The following ITGB6 variants were observed in gnomAD, a reference collection of about 807,000 sequenced individuals.
The protein encoded by ITGB6 is integrin beta-6.
Under a neutral mutation model 84.5 loss-of-function variants are expected in ITGB6, and 80 were observed. That is an observed-to-expected ratio of 0.95 (90% confidence interval 0.79 to 1.14). ITGB6 has a LOEUF of 1.14. ITGB6 is among the 50% of genes most tolerant of loss of function. The probability of loss-of-function intolerance (pLI) is 0.00; values close to 1 mark genes in which losing one functional copy is unlikely to be tolerated. For synonymous variants in ITGB6, 383 were observed against 354.9 expected (o/e 1.08, Z -0.89); for missense variants, 1,006 against 968.0 (o/e 1.04, Z -0.52).
At chr2:160,135,011 C>G (rs1034512363) in intron 10 of ITGB6, among the ~76,000 whole-genome samples, 5 of 152,166 alleles carry the variant, frequency 3.3e-5, no homozygotes, top group African/African-American at 7.2e-5. Flanking sequence ...GGGATGCCCT[C>G]TCTCACCACT....
chr2:160,186,476 A>G (rs1026942793), intron 4 of ITGB6, among the ~76,000 whole-genome samples: 3 of 152,202 alleles, frequency 2.0e-5, no homozygotes, highest in Non-Finnish European at 4.4e-5. Context: ...CAGATGCTGG[A>G]GAGGATGTGG....
At chr2:160,124,580 A>G (rs1458409588) in intron 11 of ITGB6, among the ~76,000 whole-genome samples, 2 of 152,234 alleles carry the variant, frequency 1.3e-5, no homozygotes, top group Non-Finnish European at 2.9e-5. Flanking sequence ...TAGACCCTGA[A>G]TTAATCTTGT....
chr2:160,192,523 A>G (rs1686181836), intron 4 of ITGB6, among the ~76,000 whole-genome samples: 1 of 152,176 alleles, frequency 6.6e-6, no homozygotes, highest in African/African-American at 2.4e-5. Flanking sequence ...AGCTTCTAGA[A>G]GAAAATATAG....
At chr2:160,182,620 T>C (rs1685726230) in intron 4 of ITGB6, among the ~76,000 whole-genome samples, 1 of 152,048 alleles carries the variant, frequency 6.6e-6, no homozygotes, top group African/African-American at 2.4e-5. Flanking sequence ...AGGGCAACAT[T>C]CAAATTCAGG....
intron 7 of ITGB6, among the ~76,000 whole-genome samples, chr2:160,160,895 C>A (rs568118166): frequency 6.6e-6 from 1 of 152,200 alleles, no homozygotes; most frequent in African/African-American, 2.4e-5. Context: ...TGCTGTGAGA[C>A]CCAGAGAAAG....
rs13010138 is a variant in ITGB6 at position 160,107,946 on chromosome 2, G to A, written c.2102-101C>T. On this transcript the variant is annotated intron_variant, in intron 13 of 14. Coordinates refer to ENST00000283249, the MANE Select transcript of ITGB6 (RefSeq NM_000888.5). ...TTTCATCTACATTTTCTGCAGCAGAGGATAAATATTGACACCATTTTCGCC... is the reference window on the plus strand; with the variant it reads ...TTTCATCTACATTTTCTGCAGCAGAAGATAAATATTGACACCATTTTCGCC... 0.073 allele frequency: 73,988 copies of A among 1,012,468 alleles called. 3,085 individuals are homozygous for A. The highest frequency in any genetic ancestry group is 0.11 in the Middle Eastern group (475 of 4,362). 62.7% of individuals were successfully genotyped at this position (1,012,468 alleles called of 1,614,324 possible).
rs796591598 is a variant in ITGB6, at chr2:160,108,252, T to C, written c.2102-407A>G. On this transcript the variant is annotated intron_variant, in intron 13 of 14. Coordinates refer to ENST00000283249, the MANE Select transcript of ITGB6 (RefSeq NM_000888.5). ...GTGTGTGTGTGTGTGTGTGTGTGTG[T>C]GTGCTGCATGTCATCAGTTTTTCAT... 3.4e-5 allele frequency among the ~76,000 whole-genome samples: 5 copies of C among 148,186 alleles called. 1 individual carries two copies. Among genetic ancestry groups the C allele is most frequent in the African/African-American group, 7.3e-5 (3 of 40,912 alleles).
chr2:160,160,197 T>C lies in ITGB6; in HGVS notation c.1017+9015A>G, dbSNP rs78750785. Among the ~76,000 whole-genome samples, 337 of 152,348 alleles carry C rather than the reference T, an allele frequency of 2.2e-3. 1 individual carries two copies. The highest frequency in any genetic ancestry group is 7.6e-3 in the African/African-American group (315 of 41,570). ...CATGTGGCCACAATGCCTAACTTAC[T>C]ATTTGACCCTTTGTAGATAGGCGGC... On this transcript the variant is annotated intron_variant, in intron 7 of 14. Transcript: ENST00000283249.
intron 10 of ITGB6, among the ~76,000 whole-genome samples, chr2:160,135,236 T>A (rs75860382): frequency 0.11 from 16,996 of 151,828 alleles, 1,725 homozygotes; most frequent in East Asian, 0.29. Flanking sequence ...TGTACAAAAA[T>A]CACAAGCATT....
chr2:160,150,424 A>G (rs1484856736), intron 7 of ITGB6, among the ~76,000 whole-genome samples: 1 of 152,156 alleles, frequency 6.6e-6, no homozygotes, highest in African/African-American at 2.4e-5. Flanking sequence ...TTTTGTCACC[A>G]CCAGGCCTGC....
At chr2:160,114,202 C>T (rs1211736304) in intron 12 of ITGB6, among the ~76,000 whole-genome samples, 1 of 152,108 alleles carries the variant, frequency 6.6e-6, no homozygotes, top group African/African-American at 2.4e-5. Flanking sequence ...AATTACTTCA[C>T]CACTCCTTTT....
intron 7 of ITGB6, among the ~76,000 whole-genome samples, chr2:160,149,317 C>A (rs1466632127): frequency 6.6e-6 from 1 of 152,188 alleles, no homozygotes; most frequent in Non-Finnish European, 1.5e-5. Context: ...CAAACAGGGT[C>A]TGGAGTGGAA....
At chr2:160,188,158 T>C (rs1157456382) in intron 4 of ITGB6, among the ~76,000 whole-genome samples, 5 of 152,176 alleles carry the variant, frequency 3.3e-5, no homozygotes, top group African/African-American at 1.2e-4. Context: ...CTACGCTCTT[T>C]CCTTTTACCT....
intron 5 of ITGB6, 23 bp from the exon 6 acceptor site, chr2:160,172,753 G>A (rs1243718270): frequency 6.3e-7 from 1 of 1,576,764 alleles, no homozygotes; most frequent in Admixed American, 1.7e-5. Flanking sequence ...AGAAACATTT[G>A]TGTGATATTG....
intron 7 of ITGB6, 66 bp downstream of exon 7, chr2:160,169,146 A>C (rs1454760571): frequency 1.9e-5 from 17 of 886,846 alleles, no homozygotes; most frequent in Non-Finnish European, 2.5e-5. Flanking sequence ...AAACTCACAG[A>C]GTTAATGTTA....
intron 10 of ITGB6, among the ~76,000 whole-genome samples, chr2:160,135,650 A>G (rs1683680180): frequency 1.3e-5 from 2 of 151,478 alleles, no homozygotes; most frequent in Non-Finnish European, 3.0e-5. Context: ...CTGACTTCAA[A>G]CTATACTACA....
intron 4 of ITGB6, among the ~76,000 whole-genome samples, chr2:160,183,491 A>T (rs1336144515): frequency 6.6e-6 from 1 of 152,222 alleles, no homozygotes; most frequent in African/African-American, 2.4e-5. Context: ...TTCATAAAGC[A>T]AGTCCTTAGA....
chr2:160,189,027 A>G (rs1270275159), intron 4 of ITGB6, among the ~76,000 whole-genome samples: 1 of 152,156 alleles, frequency 6.6e-6, no homozygotes, highest in Non-Finnish European at 1.5e-5. Flanking sequence ...GGAACAGAAC[A>G]GAGCCCTCAG....
At position 160,123,948 on chromosome 2, in the gene ITGB6, G is replaced by A. The variant is rs554639081; in HGVS notation, c.1884-60C>T. 141 of 1,228,042 alleles carry A rather than the reference G, an allele frequency of 1.1e-4. 1 individual carries two copies. The South Asian group carries it at 1.7e-3, about 15-fold the overall frequency. 76.1% of individuals were successfully genotyped at this position (1,228,042 alleles called of 1,614,324 possible). A position where few individuals can be genotyped will look rare whatever the true frequency, so the allele number is the denominator to read the frequency against. ...CTGGTGGAAAATAGATTTGCAGCTTGAATATTGCTTTACTGCTGTTGTTGC... is the reference window on the plus strand; with the variant it reads ...CTGGTGGAAAATAGATTTGCAGCTTAAATATTGCTTTACTGCTGTTGTTGC... On this transcript the variant is annotated intron_variant, in intron 11 of 14. Coordinates refer to ENST00000283249, the MANE Select transcript of ITGB6 (RefSeq NM_000888.5).
Sources: gnomAD v4.1 joint callset for allele counts (sites outside exome capture counted in the v4.1 genomes callset) on GRCh38, gnomAD v4.1.1 for gene constraint, MANE v1.5 for transcripts, NCBI Gene and HGNC (gene_info 2026-07-23, HGNC 2026-07-21) for gene names.